The following LRRIQ3 variants were observed in gnomAD, a reference collection of about 807,000 sequenced individuals.
LRRIQ3 encodes the protein leucine rich repeats and IQ motif containing 3, also known as leucine-rich repeat and IQ domain-containing protein 3.
Under a neutral mutation model 59.3 loss-of-function variants are expected in LRRIQ3, and 75 were observed. The observed-to-expected ratio is 1.26, with a 90% CI of 1.05 to 1.53. LRRIQ3 has a LOEUF of 1.53. Among genes scored for constraint, LRRIQ3 ranks in the 40% most tolerant of loss-of-function variants. LRRIQ3 has a pLI of 0.00. For missense variants in LRRIQ3, 831 were observed against 710.0 expected, an observed-to-expected ratio of 1.17 and a Z score of -1.94; for synonymous variants, 250 against 231.3, an observed-to-expected ratio of 1.08 and a Z score of -0.73.
chr1:74,039,190 T>G (rs1570008050), intron 7 of LRRIQ3, among the ~76,000 whole-genome samples: 1 of 152,178 alleles, frequency 6.6e-6, no homozygotes, highest in East Asian at 1.9e-4. Flanking sequence ...TACACAAGTA[T>G]CAACAGGTGA....
intron 4 of LRRIQ3, among the ~76,000 whole-genome samples, chr1:74,110,494 T>C (rs769522588): frequency 6.6e-6 from 1 of 152,062 alleles, no homozygotes; most frequent in Non-Finnish European, 1.5e-5. Flanking sequence ...GCCTATTTTA[T>C]AGAAAAATCT....
At chr1:74,194,421 CTA>C (rs1225519181) in intron 1 of LRRIQ3, among the ~76,000 whole-genome samples, 8 of 151,988 alleles carry the variant, frequency 5.3e-5, no homozygotes, top group Non-Finnish European at 7.4e-5. Context: ...ATGGCATATT[CTA>C]TATGTTTTCA....
intron 4 of LRRIQ3, among the ~76,000 whole-genome samples, chr1:74,113,957 C>G (rs1416657665): frequency 6.6e-6 from 1 of 151,492 alleles, no homozygotes; most frequent in African/African-American, 2.4e-5. Context: ...CTCTCTCTTT[C>G]TCTATCTCTC....
At chr1:74,068,709 A>G (rs998491807) in intron 6 of LRRIQ3, among the ~76,000 whole-genome samples, 6 of 152,180 alleles carry the variant, frequency 3.9e-5, no homozygotes, top group Non-Finnish European at 7.4e-5. Context: ...CTGGTGGCAA[A>G]GATTTCTAGT....
chr1:74,084,733 T>C (rs1042061411), intron 5 of LRRIQ3, among the ~76,000 whole-genome samples: 2 of 151,702 alleles, frequency 1.3e-5, no homozygotes, highest in Admixed American at 6.6e-5. Flanking sequence ...CCTTTAATAG[T>C]AGTAAAAAGG....
intron 3 of LRRIQ3, among the ~76,000 whole-genome samples, chr1:74,157,491 C>T (rs1395620168): frequency 6.6e-6 from 1 of 152,022 alleles, no homozygotes; most frequent in Non-Finnish European, 1.5e-5. Flanking sequence ...TTATATCTAA[C>T]TTTCATTAAG....
chr1:74,108,262 AT>A (rs1646641240), intron 5 of LRRIQ3, among the ~76,000 whole-genome samples: 1 of 151,860 alleles, frequency 6.6e-6, no homozygotes, highest in African/African-American at 2.4e-5. Context: ...AGCAGGTGGT[AT>A]GCTCTGAAAT....
At chr1:74,183,091 CT>C (rs899141383) in intron 2 of LRRIQ3, 2 of 335,216 alleles carry the variant, frequency 6.0e-6, no homozygotes, top group Non-Finnish European at 1.1e-5. Flanking sequence ...CATAACCATA[CT>C]TTTTTGTTCA....
chr1:74,144,478 T>G (rs200371072), intron 4 of LRRIQ3: 1 of 352,740 alleles, frequency 2.8e-6, no homozygotes, highest in South Asian at 2.3e-5. Flanking sequence ...AGAAAAAAAA[T>G]GTTTTTTTTT....
intron 1 of LRRIQ3, among the ~76,000 whole-genome samples, 195 bp from the exon 2 acceptor site, chr1:74,183,879 A>G (rs568138164): frequency 6.6e-6 from 1 of 152,148 alleles, no homozygotes; most frequent in South Asian, 2.1e-4. Context: ...GCCAATCAGA[A>G]TGTTATCACT....
intron 7 of LRRIQ3, 73 bp downstream of exon 7, chr1:74,041,140 G>T (rs909123801): frequency 5.8e-6 from 7 of 1,199,826 alleles, no homozygotes; most frequent in Non-Finnish European, 7.0e-6. Context: ...TAATTATTAG[G>T]TCTTAAAATT....
intron 4 of LRRIQ3, among the ~76,000 whole-genome samples, chr1:74,119,622 A>G (rs556452354): frequency 3.3e-5 from 5 of 152,262 alleles, no homozygotes; most frequent in African/African-American, 1.2e-4. Context: ...GTGTACAGTA[A>G]GAAAACAAAT....
intron 5 of LRRIQ3, chr1:74,084,232 G>A (rs1646303659): frequency 1.3e-6 from 2 of 1,542,388 alleles, no homozygotes; most frequent in African/African-American, 2.8e-5. Flanking sequence ...GAAAAATACA[G>A]TAATAAAGTT....
intron 5 of LRRIQ3, among the ~76,000 whole-genome samples, chr1:74,087,381 CTTTTTTTTTTT>C (rs57068994): frequency 8.5e-5 from 5 of 59,006 alleles, no homozygotes; most frequent in Admixed American, 2.3e-4. Context: ...AAAATTTTAT[CTTTTTTTTTTT>C]TTTTTTTTTT....
At chr1:74,156,970 CAT>C (rs1648370502) in intron 3 of LRRIQ3, among the ~76,000 whole-genome samples, 1 of 152,002 alleles carries the variant, frequency 6.6e-6, no homozygotes, top group South Asian at 2.1e-4. Flanking sequence ...ACACTTAAAA[CAT>C]ACACCTTTTC....
rs1653528888 is a variant in LRRIQ3, at chr1:74,026,828, A to T, written c.1860T>A (p.Asn620Lys). 1 of 1,607,006 alleles carries T rather than the reference A, an allele frequency of 6.2e-7. No homozygotes were observed. The highest frequency in any genetic ancestry group is 8.5e-7 in the Non-Finnish European group (1 of 1,177,126). The change falls in exon 8 of 8, where the codon AAT becomes AAA. Residue 620 changes from asparagine to lysine, a missense_variant. Coordinates refer to ENST00000354431, the MANE Select transcript of LRRIQ3 (RefSeq NM_001105659.2). ...VKTNLDFKVP[N>K]GLIK ...TGGCATTGATTCATTTTATCAGTCC[A>T]TTGGGAACTTTAAAGTCTAAATTTG...
chr1:74,180,583 A>T, intron 3 of LRRIQ3: 1 of 741,866 alleles, frequency 1.3e-6, no homozygotes. Flanking sequence ...GCTTCAAAAT[A>T]GTAGAGGAGT....
At chr1:74,078,527 A>G (rs1193569172) in intron 5 of LRRIQ3, 2 of 151,892 alleles carry the variant, frequency 1.3e-5, no homozygotes, top group African/African-American at 4.8e-5. Flanking sequence ...CATGCATGAT[A>G]AGACATATTA....
In LRRIQ3 at chr1:74,198,095, T is replaced by C. The variant is rs913257330; in HGVS notation, c.-100A>G. 2.5e-5 allele frequency: 32 copies of C among 1,300,372 alleles called. No homozygotes were observed. The highest frequency in any genetic ancestry group is 5.8e-5 in the Admixed American group (2 of 34,758). The allele number at this position is 1,300,372 out of a possible 1,614,324, so 80.6% of individuals were successfully genotyped here. A position where few individuals can be genotyped will look rare whatever the true frequency, so the allele number is the denominator to read the frequency against. Reference sequence around the variant, plus strand: ...GGGCGGCCATCTGCTCCTGAGACCGTTGCTAGAGAAACAAGACAACATCCA... The same window carrying C: ...GGGCGGCCATCTGCTCCTGAGACCGCTGCTAGAGAAACAAGACAACATCCA... On this transcript the variant is annotated 5_prime_UTR_variant, in exon 1 of 8. Coordinates refer to ENST00000354431, the MANE Select transcript of LRRIQ3 (RefSeq NM_001105659.2).
Sources: allele counts gnomAD v4.1 joint callset (sites outside exome capture counted in the v4.1 genomes callset), GRCh38; gene constraint gnomAD v4.1.1; transcripts MANE v1.5; gene names NCBI Gene and HGNC (gene_info 2026-07-23, HGNC 2026-07-21).